ZNG1A: variants seen among roughly 807,000 people sequenced by gnomAD.
The protein encoded by ZNG1A is Zn regulated GTPase metalloprotein activator 1A.
the ZNG1A span, among the ~76,000 whole-genome samples, chr9:143,304 T>C: frequency 6.8e-6 from 1 of 147,720 alleles, no homozygotes; most frequent in Admixed American, 6.7e-5. Context: ...AATAAAATAC[T>C]GGCAAACCGA....
At chr9:160,032 T>C in the ZNG1A span, 1 of 454,386 alleles carries the variant, frequency 2.2e-6, no homozygotes, top group Non-Finnish European at 4.4e-6. Flanking sequence ...ATTGCTTCTA[T>C]TGCATTAAAT....
chr9:173,856 G>A, the ZNG1A span, among the ~76,000 whole-genome samples: 1 of 152,188 alleles, frequency 6.6e-6, no homozygotes, highest in East Asian at 1.9e-4. Flanking sequence ...TCATCTTGAG[G>A]AAGGTTTTTG....
chr9:173,597 C>T, the ZNG1A span, among the ~76,000 whole-genome samples: 1 of 152,114 alleles, frequency 6.6e-6, no homozygotes. Flanking sequence ...AACTGATAAA[C>T]ATACCTACTT....
chr9:130,767 G>C, the ZNG1A span, among the ~76,000 whole-genome samples: 1 of 141,450 alleles, frequency 7.1e-6, no homozygotes, highest in African/African-American at 2.8e-5. Context: ...GCTTTTATCA[G>C]GTTAAATATG....
the ZNG1A span, among the ~76,000 whole-genome samples, chr9:169,083 G>A: frequency 1.3e-5 from 2 of 152,060 alleles, no homozygotes; most frequent in African/African-American, 4.8e-5. Context: ...TGATTCCTCT[G>A]ATGGATCTGG....
the ZNG1A span, among the ~76,000 whole-genome samples, chr9:135,992 T>C: frequency 1.5e-5 from 1 of 64,870 alleles, no homozygotes; most frequent in Non-Finnish European, 2.9e-5. Flanking sequence ...CTTAAGTGTA[T>C]GTAGAATGAG....
the ZNG1A span, among the ~76,000 whole-genome samples, chr9:178,115 A>C: frequency 6.6e-6 from 1 of 151,046 alleles, no homozygotes; most frequent in African/African-American, 2.5e-5. Flanking sequence ...TATATTTCTC[A>C]AACTTTTCCA....
the ZNG1A span, chr9:153,923 T>A: frequency 6.6e-6 from 1 of 152,194 alleles, no homozygotes. Flanking sequence ...AGCTACCGAA[T>A]GTCTCTCTGT....
chr9:141,663 A>C, the ZNG1A span, among the ~76,000 whole-genome samples: 1 of 151,590 alleles, frequency 6.6e-6, no homozygotes. Context: ...CTAACATCAT[A>C]ATGACAGGAT....
the ZNG1A span, chr9:171,872 A>T: frequency 2.5e-5 from 16 of 629,760 alleles, no homozygotes; most frequent in Non-Finnish European, 4.4e-5. Context: ...AATTCTATTA[A>T]CAGCTTAAAA....
chr9:141,517 G>T, the ZNG1A span, among the ~76,000 whole-genome samples: 1 of 148,980 alleles, frequency 6.7e-6, no homozygotes, highest in Non-Finnish European at 1.5e-5. Context: ...CACCAGGCCT[G>T]CCCTACAAGA....
the ZNG1A span, among the ~76,000 whole-genome samples, chr9:155,600 G>T: frequency 6.6e-6 from 1 of 151,998 alleles, no homozygotes; most frequent in South Asian, 2.1e-4. Flanking sequence ...TAGTAAAACT[G>T]GAAATTCTTT....
At chr9:139,204 G>A in the ZNG1A span, among the ~76,000 whole-genome samples, 8 of 149,920 alleles carry the variant, frequency 5.3e-5, no homozygotes, top group African/African-American at 2.0e-4. Flanking sequence ...AGGAAACCTT[G>A]CCATATGCAA....
chr9:167,316 C>T, the ZNG1A span: 1 of 151,230 alleles, frequency 6.6e-6, no homozygotes, highest in Non-Finnish European at 1.5e-5. Flanking sequence ...CTCACAAATT[C>T]TTCCTAATAA....
the ZNG1A span, among the ~76,000 whole-genome samples, chr9:169,854 C>CTT: frequency 6.9e-4 from 37 of 53,968 alleles, no homozygotes; most frequent in African/African-American, 1.5e-3. Context: ...ATAAACACAG[C>CTT]TTTTTTTTTT....
At chr9:178,595 T>C in the ZNG1A span, among the ~76,000 whole-genome samples, 1 of 109,546 alleles carries the variant, frequency 9.1e-6, no homozygotes, top group Non-Finnish European at 2.3e-5. Context: ...TAACTTTCCA[T>C]CTCACTTGAG....
chr9:149,538 C>T, the ZNG1A span: 1 of 150,908 alleles, frequency 6.6e-6, no homozygotes, highest in Admixed American at 6.6e-5. Flanking sequence ...GCAATCATTC[C>T]CTCTATTTTC....
the ZNG1A span, chr9:150,116 G>GGTTT: frequency 9.9e-6 from 1 of 101,388 alleles, no homozygotes; most frequent in Non-Finnish European, 1.9e-5. Context: ...CAAATCTCCG[G>GGTTT]TTTTGTTTTT....
the ZNG1A span, among the ~76,000 whole-genome samples, chr9:177,537 G>C: frequency 6.6e-6 from 1 of 151,806 alleles, no homozygotes; most frequent in Non-Finnish European, 1.5e-5. Flanking sequence ...GCCTTAAAAA[G>C]AAGCCAGAGA....
Sources: allele counts gnomAD v4.1 joint callset (sites outside exome capture counted in the v4.1 genomes callset), GRCh38; gene constraint gnomAD v4.1.1; transcripts MANE v1.5; gene names NCBI Gene and HGNC (gene_info 2026-07-23, HGNC 2026-07-21).